Variants in RUBCN observed in about 807,000 individuals in gnomAD.
The protein encoded by RUBCN is rubicon autophagy regulator, also known as run domain Beclin-1-interacting and cysteine-rich domain-containing protein.
RUBCN carries 74 observed loss-of-function variants against 113.2 expected under a neutral mutation model. That is an observed-to-expected ratio of 0.65 (90% CI 0.54 to 0.79). The LOEUF (loss-of-function observed/expected upper bound fraction) is 0.79, where lower values mean the gene tolerates loss of function less well. RUBCN is among the 30% of genes least tolerant of loss of function. RUBCN has a pLI of 0.00. For synonymous variants in RUBCN, 480 were observed against 490.0 expected, an observed-to-expected ratio of 0.98 and a Z score of 0.27; for missense variants, 1,109 against 1,251.7, an observed-to-expected ratio of 0.89 and a Z score of 1.72.
intron 16 of RUBCN, among the ~76,000 whole-genome samples, chr3:197,678,546 GCT>G (rs1450729607): frequency 1.4e-5 from 2 of 143,830 alleles, no homozygotes; most frequent in East Asian, 2.1e-4. Flanking sequence ...ACTGTCCTAC[GCT>G]CTGACTGACA....
chr3:197,698,830 A>C lies in RUBCN; in HGVS notation c.1262-1781T>G, dbSNP rs1260051543. Among the ~76,000 whole-genome samples the C allele has an allele frequency of 1.0e-3, 127 of 124,414 alleles. 1 individual carries two copies. Among genetic ancestry groups the C allele is most frequent in the African/African-American group, 3.7e-3 (109 of 29,750 alleles). The allele number at this position is 124,414 out of a possible 152,430, so 81.6% of individuals were successfully genotyped here. On this transcript the variant is annotated intron_variant, in intron 7 of 19. Transcript: ENST00000296343. ...CAATGCGGTGAAACCCTGTCTCTAC[A>C]AAAAAAAAAAAAAAAAAAAAGTAAA... is the stretch of plus-strand genomic sequence containing the variant.
chr3:197,732,311 G>C (rs1462344912), intron 1 of RUBCN, among the ~76,000 whole-genome samples: 1 of 152,190 alleles, frequency 6.6e-6, no homozygotes, highest in East Asian at 1.9e-4. Context: ...CAGTTTACCA[G>C]TCTAGTAGTT....
chr3:197,701,193 TC>T, intron 6 of RUBCN, 47 bp from the exon 7 acceptor site: 2 of 1,455,478 alleles, frequency 1.4e-6, no homozygotes, highest in South Asian at 2.7e-5. Context: ...TGAGGTGGAA[TC>T]CTGCAGTATG....
intron 1 of RUBCN, among the ~76,000 whole-genome samples, chr3:197,730,662 C>A (rs1370908034): frequency 6.6e-6 from 1 of 150,758 alleles, no homozygotes; most frequent in African/African-American, 2.4e-5. Context: ...GGAGCCCACA[C>A]CATTTATTGA....
At position 197,705,078 on chromosome 3, in the gene RUBCN, G is replaced by GCT; in HGVS notation, c.303+12_303+13dup. ...ACAGCTCTGCCAGCACAGCCGCTCT[G>GCT]CTCTCACTCTTACCTTCTCCACGTG... On this transcript the variant is annotated intron_variant, in intron 3 of 19. Coordinates refer to ENST00000296343, the MANE Select transcript of RUBCN (RefSeq NM_014687.4). 6.2e-7 allele frequency: 1 copy of GCT among 1,606,668 alleles called. No homozygotes were observed. The highest frequency in any genetic ancestry group is 8.5e-7 in the Non-Finnish European group (1 of 1,173,756).
intron 7 of RUBCN, among the ~76,000 whole-genome samples, chr3:197,698,568 AAAAAAAAC>A (rs1723262333): frequency 6.9e-6 from 1 of 144,136 alleles, no homozygotes; most frequent in African/African-American, 2.8e-5. Flanking sequence ...CAGGAGAGGG[AAAAAAAAC>A]AAAAAAACAA....
chr3:197,693,706 A>G lies in RUBCN; in HGVS notation c.1786+9T>C, dbSNP rs1212685471. 1 of 1,578,936 alleles carries G rather than the reference A, an allele frequency of 6.3e-7. No homozygotes were observed. The highest frequency in any genetic ancestry group is 1.1e-5 in the South Asian group (1 of 90,380). Reference sequence around the variant, plus strand: ...AAAAGTTCCCTTGTAACAAAGTGTCACTTCTTACCTTGGATTTCAAATTCA... The same window carrying G: ...AAAAGTTCCCTTGTAACAAAGTGTCGCTTCTTACCTTGGATTTCAAATTCA... On this transcript the variant is annotated intron_variant, in intron 11 of 19. Transcript: ENST00000296343.
At chr3:197,724,916 AC>A (rs1472421936) in intron 1 of RUBCN, among the ~76,000 whole-genome samples, 1 of 152,176 alleles carries the variant, frequency 6.6e-6, no homozygotes, top group African/African-American at 2.4e-5. Context: ...GTGGTGGCTC[AC>A]GCCTGTAACC....
chr3:197,686,629 T>C (rs1404222584), intron 11 of RUBCN, among the ~76,000 whole-genome samples: 2 of 152,220 alleles, frequency 1.3e-5, no homozygotes, highest in African/African-American at 4.8e-5. Context: ...GACCAAGGTC[T>C]AAGCCAGAGA....
chr3:197,742,549 C>T (rs1238346393), intron 1 of RUBCN, among the ~76,000 whole-genome samples: 5 of 152,154 alleles, frequency 3.3e-5, no homozygotes, highest in African/African-American at 1.2e-4. Context: ...GACGAATGTT[C>T]GTTTTGTCCC....
chr3:197,709,396 T>G (rs1560446331), intron 2 of RUBCN, among the ~76,000 whole-genome samples: 2 of 152,134 alleles, frequency 1.3e-5, no homozygotes, highest in African/African-American at 4.8e-5. Flanking sequence ...TTTTTTTTTC[T>G]TTGAGACGGA....
rs527981283 is a variant in RUBCN at position 197,717,084 on chromosome 3, G to A, written c.219+893C>T. Among the ~76,000 whole-genome samples the A allele has an allele frequency of 5.3e-5, 8 of 152,174 alleles. No individual in the cohort carries two copies. In the East Asian group the frequency reaches 1.5e-3, roughly 29 times the overall value. ...TGCAGCGAGCCATGATTTTGTCATT[G>A]CATTCCAGCCTGGGTGACAGAGCGA... is the stretch of plus-strand genomic sequence containing the variant. On this transcript the variant is annotated intron_variant, in intron 2 of 19. Coordinates refer to ENST00000296343, the MANE Select transcript of RUBCN (RefSeq NM_014687.4).
At position 197,700,971 on chromosome 3, in the gene RUBCN, G is replaced by A. The variant is rs1723586823; in HGVS notation, c.903C>T (p.Ser301=). ...PNEMSSSTLT[S]PIEASWVSSQ... is the part of the protein sequence containing the mutation. ...TGCTGACCCAGGATGCCTCTATGGG[G>A]CTGGTCAGAGTACTGGAGCTCATTT... The change falls in exon 7 of 20, where the codon AGC becomes AGT. Residue 301 remains serine (S), a synonymous_variant. Coordinates refer to ENST00000296343, the MANE Select transcript of RUBCN (RefSeq NM_014687.4). The A allele has an allele frequency of 1.2e-6, 2 of 1,614,198 alleles. No individual in the cohort carries two copies. Among genetic ancestry groups the A allele is most frequent in the Non-Finnish European group, 1.7e-6 (2 of 1,180,038 alleles).
In RUBCN at chr3:197,744,945, C is replaced by T. The variant is rs147713157; in HGVS notation, c.-116+4324G>A. ...CCTGTACACCTGTATAAACTGCATACTTTCAGTATGTGTCTTTTATTATCA... is the reference window on the plus strand; with the variant it reads ...CCTGTACACCTGTATAAACTGCATATTTTCAGTATGTGTCTTTTATTATCA... On this transcript the variant is annotated intron_variant, in intron 1 of 20. Transcript: ENST00000273582. Among the ~76,000 whole-genome samples, 370 of 152,234 alleles carry T rather than the reference C, an allele frequency of 2.4e-3. 7 individuals are homozygous for T. In the East Asian group the frequency reaches 0.049, roughly 20 times the overall value.
At chr3:197,679,667 C>T (rs1328719713) in intron 16 of RUBCN, among the ~76,000 whole-genome samples, 16 of 147,910 alleles carry the variant, frequency 1.1e-4, no homozygotes, top group African/African-American at 1.5e-4. Flanking sequence ...GACTGTCCTA[C>T]GCTCTGACAA....
At position 197,674,880 on chromosome 3, in the gene RUBCN, TAAAAAAAA is replaced by T; in HGVS notation, c.*130_*137del. On this transcript the variant is annotated 3_prime_UTR_variant, in exon 20 of 20. Transcript: ENST00000296343. ...TGCACACAGACGTCAGACAAGTCAG[TAAAAAAAA>T]AAAAAAAGATGATGATAATTAAAAA... 6.5e-6 allele frequency: 3 copies of T among 461,906 alleles called. No homozygotes were observed. Among genetic ancestry groups the T allele is most frequent in the Non-Finnish European group, 9.9e-6 (3 of 304,098 alleles). The allele number at this position is 461,906 out of a possible 1,614,324, so 28.6% of individuals were successfully genotyped here. A position where few individuals can be genotyped will look rare whatever the true frequency, so the allele number is the denominator to read the frequency against.
intron 11 of RUBCN, among the ~76,000 whole-genome samples, chr3:197,686,533 C>T (rs978234403): frequency 6.6e-6 from 1 of 152,230 alleles, no homozygotes; most frequent in African/African-American, 2.4e-5. Flanking sequence ...TGGGCCTGCG[C>T]TGCAGCCCTC....
intron 1 of RUBCN, among the ~76,000 whole-genome samples, chr3:197,746,213 C>G (rs939479357): frequency 6.6e-6 from 1 of 152,172 alleles, no homozygotes; most frequent in African/African-American, 2.4e-5. Context: ...GGATAGCCAT[C>G]GCGAAACATG....
At chr3:197,732,148 G>C (rs918104379) in intron 1 of RUBCN, among the ~76,000 whole-genome samples, 1 of 152,204 alleles carries the variant, frequency 6.6e-6, no homozygotes, top group African/African-American at 2.4e-5. Flanking sequence ...GACTGTACCT[G>C]GATCACGGTG....
Sources: allele counts gnomAD v4.1 joint callset (sites outside exome capture counted in the v4.1 genomes callset), GRCh38; gene constraint gnomAD v4.1.1; transcripts MANE v1.5; gene names NCBI Gene and HGNC (gene_info 2026-07-23, HGNC 2026-07-21).